DOCK1: variants seen among roughly 807,000 people sequenced by gnomAD.
DOCK1 encodes dedicator of cytokinesis protein 1.
DOCK1 carries 138 observed loss-of-function variants against 262.7 expected under a neutral mutation model. The ratio of observed to expected loss-of-function variants is 0.53; its 90% CI spans 0.46 to 0.61. DOCK1 has a LOEUF of 0.61. Among genes scored for constraint, DOCK1 ranks in the 20% least tolerant of loss-of-function variants. The pLI is 0.00. For missense variants in DOCK1, 1,908 were observed against 2,370.7 expected, an observed-to-expected ratio of 0.80 and a Z score of 4.05; for synonymous variants, 866 against 867.4, an observed-to-expected ratio of 1.00 and a Z score of 0.03.
Position 127,110,268 on chromosome 10 carries a change from T to C in DOCK1, c.2537T>C (p.Ile846Thr), listed in dbSNP as rs780925155. 1.2e-6 allele frequency: 2 copies of C among 1,613,388 alleles called. No individual in the cohort carries two copies. The highest frequency in any genetic ancestry group is 1.7e-6 in the Non-Finnish European group (2 of 1,179,698). The change falls in exon 25 of 52, where the codon ATC (isoleucine) becomes ACC (threonine). Residue 846 changes from isoleucine to threonine, a missense_variant. Physicochemically the swap from Ile to Thr is moderately conservative, Grantham distance 89. This residue lies in a region of DOCK1 where 518 missense variants were observed against 575.1 expected (regional missense o/e 0.90). Coordinates refer to ENST00000623213, the MANE Select transcript of DOCK1 (RefSeq NM_001290223.2). ...KELSKMFTEF[I>T]LNVPMGLLTI... ...CACAGCAAAATGTTTACTGAATTCA[T>C]CCTCAATGTTCCCATGGGCTTGCTG...
At chr10:127,416,669 G>GC (rs2068174596) in intron 44 of DOCK1, among the ~76,000 whole-genome samples, 1 of 152,238 alleles carries the variant, frequency 6.6e-6, no homozygotes, top group South Asian at 2.1e-4. Context: ...ATCTGTGGGA[G>GC]CAGCAGCTAA....
intron 29 of DOCK1, among the ~76,000 whole-genome samples, chr10:127,269,262 C>A (rs2060478995): frequency 5.9e-5 from 9 of 152,130 alleles, no homozygotes; most frequent in Admixed American, 5.9e-4. Context: ...ATGTCTGTGA[C>A]CCCCTCCATT....
rs542204038 is a variant in DOCK1, at chr10:127,143,246, C to G, written c.2847+15482C>G. On this transcript the variant is annotated intron_variant, in intron 27 of 51. Transcript: ENST00000623213. ...TTAAAAGCAGGACAATCTGGTGCCC[C>G]GGAGCTTGCTTTCTGGAAGGGAAGA... Among the ~76,000 whole-genome samples, 193 of 152,226 alleles carry G rather than the reference C, an allele frequency of 1.3e-3. 1 individual carries two copies. Among genetic ancestry groups the G allele is most frequent in the African/African-American group, 4.4e-3 (184 of 41,518 alleles).
chr10:127,144,299 C>T (rs967900453), intron 27 of DOCK1, among the ~76,000 whole-genome samples: 1 of 152,042 alleles, frequency 6.6e-6, no homozygotes, highest in African/African-American at 2.4e-5. Context: ...CAAAGTCCAC[C>T]CTCCCCCCTG....
chr10:127,266,060 G>C (rs921452359), intron 29 of DOCK1, among the ~76,000 whole-genome samples: 1 of 152,244 alleles, frequency 6.6e-6, no homozygotes, highest in Non-Finnish European at 1.5e-5. Flanking sequence ...TAGTGCCCAC[G>C]TGCAGGGGGC....
intron 1 of DOCK1, among the ~76,000 whole-genome samples, chr10:126,919,696 G>A (rs976031208): frequency 3.9e-4 from 60 of 152,278 alleles, no homozygotes; most frequent in African/African-American, 1.3e-3. Flanking sequence ...ATGACCCCCC[G>A]ATCCCGCGTT....
intron 29 of DOCK1, among the ~76,000 whole-genome samples, chr10:127,327,743 C>A (rs2135627192): frequency 6.6e-6 from 1 of 152,252 alleles, no homozygotes; most frequent in African/African-American, 2.4e-5. Flanking sequence ...GCTGGTAGGA[C>A]CCAGCCTCTC....
At chr10:127,124,288 A>G (rs184845880) in intron 25 of DOCK1, among the ~76,000 whole-genome samples, 157 of 152,388 alleles carry the variant, frequency 1.0e-3, no homozygotes, top group Admixed American at 1.9e-3. Context: ...GTCTTAAAAT[A>G]TAAAATCCTG....
intron 38 of DOCK1, among the ~76,000 whole-genome samples, chr10:127,391,762 C>G (rs1430682682): frequency 1.3e-5 from 2 of 152,100 alleles, no homozygotes; most frequent in Admixed American, 6.5e-5. Flanking sequence ...TGTAAGCTCT[C>G]GGTCCCTCTC....
At chr10:127,419,974 CA>C (rs570233122) in intron 46 of DOCK1, among the ~76,000 whole-genome samples, 164 of 152,334 alleles carry the variant, frequency 1.1e-3, no homozygotes, top group Middle Eastern at 3.4e-3. Context: ...TGCAAATGAA[CA>C]AGGTCTCTTT....
At chr10:127,033,400 C>G (rs1310955134) in intron 18 of DOCK1, among the ~76,000 whole-genome samples, 1 of 152,168 alleles carries the variant, frequency 6.6e-6, no homozygotes, top group East Asian at 1.9e-4. Flanking sequence ...ACATTGCTGT[C>G]CAGCCAGGGG....
At chr10:127,079,169 C>T (rs2046750381) in intron 23 of DOCK1, among the ~76,000 whole-genome samples, 1 of 152,160 alleles carries the variant, frequency 6.6e-6, no homozygotes, top group Non-Finnish European at 1.5e-5. Flanking sequence ...TCTCCATCAC[C>T]AGTCTCTGAA....
At chr10:127,109,993 C>T (rs1218996171) in intron 24 of DOCK1, among the ~76,000 whole-genome samples, 1 of 152,082 alleles carries the variant, frequency 6.6e-6, no homozygotes, top group African/African-American at 2.4e-5. Flanking sequence ...GTTCTCATTT[C>T]ATTATATCTT....
At position 127,246,415 on chromosome 10, in the gene DOCK1, C is replaced by T. The variant is rs535837552; in HGVS notation, c.2848-1593C>T. Among the ~76,000 whole-genome samples the T allele has an allele frequency of 7.9e-5, 12 of 152,356 alleles. No homozygotes were observed. The East Asian group carries it at 2.3e-3, about 29-fold the overall frequency. The stretch of plus-strand genomic sequence containing the variant: ...AGACGATTATCCACGGGACACATCT[C>T]ATTGTCATAAGGAGTAGACAAGATA... On this transcript the variant is annotated intron_variant, in intron 27 of 51. Coordinates refer to ENST00000623213, the MANE Select transcript of DOCK1 (RefSeq NM_001290223.2).
chr10:127,035,135 A>C (rs1029103579), intron 18 of DOCK1, among the ~76,000 whole-genome samples: 20 of 152,202 alleles, frequency 1.3e-4, no homozygotes, highest in African/African-American at 4.6e-4. Flanking sequence ...AGGTGTGTAC[A>C]AGATGGAGCT....
intron 22 of DOCK1, among the ~76,000 whole-genome samples, chr10:127,057,850 C>T (rs2045265853): frequency 6.6e-6 from 1 of 152,152 alleles, no homozygotes; most frequent in African/African-American, 2.4e-5. Context: ...CTATCATTCC[C>T]TGGGTCACAA....
intron 27 of DOCK1, among the ~76,000 whole-genome samples, chr10:127,165,304 C>A (rs1305519195): frequency 2.0e-5 from 3 of 152,124 alleles, no homozygotes; most frequent in Admixed American, 2.0e-4. Context: ...TGCTTTGTTT[C>A]AAAAGCCTGA....
chr10:126,987,715 T>A, intron 5 of DOCK1, 98 bp downstream of exon 5: 1 of 1,102,040 alleles, frequency 9.1e-7, no homozygotes, highest in Non-Finnish European at 1.3e-6. Flanking sequence ...CAGCGAAACT[T>A]AAAAGCAGAG....
chr10:127,289,423 T>G (rs1488116557), intron 29 of DOCK1, among the ~76,000 whole-genome samples: 2 of 152,188 alleles, frequency 1.3e-5, no homozygotes, highest in Non-Finnish European at 2.9e-5. Flanking sequence ...ATCTATAGCC[T>G]CATGCACACA....
Sources: gnomAD v4.1 joint callset for allele counts (sites outside exome capture counted in the v4.1 genomes callset) on GRCh38, gnomAD v4.1.1 for gene constraint, gnomAD v4.1.1 regional missense constraint, MANE v1.5 for transcripts, NCBI Gene and HGNC (gene_info 2026-07-23, HGNC 2026-07-21) for gene names.